CDH10: variants seen among roughly 807,000 people sequenced by gnomAD.
CDH10 encodes the protein cadherin-10.
A neutral mutation model predicts 73.1 loss-of-function variants in CDH10; 30 were observed. That is an observed-to-expected ratio of 0.41 (90% CI 0.31 to 0.56). The LOEUF is 0.56. CDH10 is among the 20% of genes least tolerant of loss of function. The probability of loss-of-function intolerance (pLI) is 0.27; values close to 1 mark genes in which losing one functional copy is unlikely to be tolerated. For synonymous variants in CDH10, 345 were observed against 348.2 expected (o/e 0.99, Z 0.10); for missense variants, 815 against 973.7 (o/e 0.84, Z 2.17).
At chr5:24,642,642 C>A (rs1693713492) in intron 1 of CDH10, among the ~76,000 whole-genome samples, 1 of 152,046 alleles carries the variant, frequency 6.6e-6, no homozygotes, top group East Asian at 1.9e-4. Context: ...TAGCACTGTT[C>A]TAATTAATAA....
intron 2 of CDH10, among the ~76,000 whole-genome samples, chr5:24,549,546 AATGAC>A (rs1345513163): frequency 7.4e-6 from 1 of 135,054 alleles, no homozygotes; most frequent in Non-Finnish European, 1.6e-5. Context: ...TACACAATGG[AATGAC>A]TTTTTTTTTT....
intron 1 of CDH10, among the ~76,000 whole-genome samples, chr5:24,638,012 T>C (rs1747923333): frequency 6.6e-6 from 1 of 151,840 alleles, no homozygotes; most frequent in Non-Finnish European, 1.5e-5. Flanking sequence ...AGATTATGGT[T>C]GCCATTCATC....
chr5:24,488,391 A>G (rs1741922686), intron 11 of CDH10, among the ~76,000 whole-genome samples: 1 of 152,162 alleles, frequency 6.6e-6, no homozygotes, highest in Non-Finnish European at 1.5e-5. Flanking sequence ...AACGTAAAAT[A>G]TTCCTTAAAT....
chr5:24,613,881 T>C (rs1747039493), intron 1 of CDH10, among the ~76,000 whole-genome samples: 1 of 152,198 alleles, frequency 6.6e-6, no homozygotes, highest in Non-Finnish European at 1.5e-5. Flanking sequence ...GTTCTATGTA[T>C]TTATTCAATA....
At chr5:24,510,656 T>TACCTTGC (rs1459262307) in intron 6 of CDH10, among the ~76,000 whole-genome samples, 2 of 152,210 alleles carry the variant, frequency 1.3e-5, no homozygotes, top group Non-Finnish European at 1.5e-5. Flanking sequence ...TTGTACTTTG[T>TACCTTGC]ACCTTGCAAA....
intron 5 of CDH10, among the ~76,000 whole-genome samples, chr5:24,525,296 A>G (rs1280020269): frequency 1.3e-5 from 2 of 152,080 alleles, no homozygotes; most frequent in Non-Finnish European, 1.5e-5. Context: ...TCACATTTAC[A>G]TTAAAATTCT....
intron 1 of CDH10, among the ~76,000 whole-genome samples, chr5:24,614,411 T>C (rs879845294): frequency 6.6e-6 from 1 of 152,202 alleles, no homozygotes; most frequent in Non-Finnish European, 1.5e-5. Context: ...TGCTCCCTCC[T>C]GATCCAATGT....
At chr5:24,591,045 A>C (rs1367223900) in intron 2 of CDH10, among the ~76,000 whole-genome samples, 1 of 152,058 alleles carries the variant, frequency 6.6e-6, no homozygotes, top group Non-Finnish European at 1.5e-5. Context: ...AGTTTTTTAT[A>C]CTTCATGAGG....
Position 24,554,473 on chromosome 5 carries a change from C to CAT in CDH10, c.232-16800_232-16799insAT, listed in dbSNP as rs1464310019. Among the ~76,000 whole-genome samples the CAT allele has an allele frequency of 1.1e-3, 159 of 149,444 alleles. 1 individual carries two copies. The highest frequency in any genetic ancestry group is 3.3e-3 in the African/African-American group (134 of 40,480). ...TTTCAAGTTGTTCTTTCTCCCTATTCGTGTGTGTGTGTGTGTGTGTGTGTG... is the reference window on the plus strand; with the variant it reads ...TTTCAAGTTGTTCTTTCTCCCTATTCATGTGTGTGTGTGTGTGTGTGTGTGTG... On this transcript the variant is annotated intron_variant, in intron 2 of 11. Coordinates refer to ENST00000264463, the MANE Select transcript of CDH10 (RefSeq NM_006727.5).
chr5:24,557,093 T>A (rs185757770), intron 2 of CDH10, among the ~76,000 whole-genome samples: 28 of 151,910 alleles, frequency 1.8e-4, no homozygotes, highest in African/African-American at 6.5e-4. Flanking sequence ...ATTGTAGTGG[T>A]CATGTGGGAG....
At chr5:24,585,817 C>T (rs2112071170) in intron 2 of CDH10, among the ~76,000 whole-genome samples, 1 of 152,198 alleles carries the variant, frequency 6.6e-6, no homozygotes, top group East Asian at 1.9e-4. Flanking sequence ...TTTATTGTGT[C>T]CCTTCAGAAG....
chr5:24,634,384 G>T (rs1424028211), intron 1 of CDH10, among the ~76,000 whole-genome samples: 1 of 151,712 alleles, frequency 6.6e-6, no homozygotes, highest in Non-Finnish European at 1.5e-5. Flanking sequence ...AATTCTAAAA[G>T]TATATATACA....
intron 5 of CDH10, among the ~76,000 whole-genome samples, chr5:24,534,301 A>AT (rs1031374718): frequency 2.3e-4 from 35 of 151,458 alleles, no homozygotes; most frequent in Admixed American, 1.3e-3. Context: ...GTAGTCGAAT[A>AT]TTTTTTTTTG....
At chr5:24,622,930 G>C (rs1327467988) in intron 1 of CDH10, among the ~76,000 whole-genome samples, 1 of 152,126 alleles carries the variant, frequency 6.6e-6, no homozygotes, top group African/African-American at 2.4e-5. Context: ...AGAGGATTCT[G>C]AGACCACATA....
chr5:24,511,886 G>A (rs1411647632), intron 5 of CDH10, among the ~76,000 whole-genome samples: 1 of 152,132 alleles, frequency 6.6e-6, no homozygotes. Flanking sequence ...TGCAGGAACA[G>A]AAAATCAAAT....
At chr5:24,565,804 G>T (rs1463721518) in intron 2 of CDH10, among the ~76,000 whole-genome samples, 1 of 151,820 alleles carries the variant, frequency 6.6e-6, no homozygotes, top group East Asian at 1.9e-4. Context: ...CCTTGGAAAG[G>T]ACATGGGAGG....
chr5:24,627,501 A>G (rs1296412484), intron 1 of CDH10, among the ~76,000 whole-genome samples: 4 of 152,172 alleles, frequency 2.6e-5, no homozygotes, highest in Non-Finnish European at 5.9e-5. Flanking sequence ...TAAACATGCA[A>G]TAGCGGTTAC....
chr5:24,537,416 T>C lies in CDH10; in HGVS notation c.490A>G (p.Ile164Val). 1 of 1,612,782 alleles carries C rather than the reference T, an allele frequency of 6.2e-7. No homozygotes were observed. The highest frequency in any genetic ancestry group is 2.2e-5 in the East Asian group (1 of 44,824). Reference protein sequence around the residue: ...NDNEPTFPEEIYTASVPEMSV... With the variant: ...NDNEPTFPEEVYTASVPEMSV... The stretch of plus-strand genomic sequence containing the variant: ...ATTTCGGGAACACTAGCTGTATAGA[T>C]TTCTTCTGGGAACGTTGGCTCATTG... Residue 164 changes from isoleucine to valine, a missense_variant, in exon 3 of 12, where the codon ATC becomes GTC. Ile to Val is a conservative substitution (Grantham distance 29, BLOSUM62 3). Transcript: ENST00000264463.
At chr5:24,609,327 G>T (rs993181090) in intron 1 of CDH10, among the ~76,000 whole-genome samples, 1 of 152,142 alleles carries the variant, frequency 6.6e-6, no homozygotes, top group African/African-American at 2.4e-5. Context: ...TAGTTGGGGG[G>T]AGGTTAGAAG....
Sources: allele counts gnomAD v4.1 joint callset (sites outside exome capture counted in the v4.1 genomes callset), GRCh38; gene constraint gnomAD v4.1.1; transcripts MANE v1.5; gene names NCBI Gene and HGNC (gene_info 2026-07-23, HGNC 2026-07-21).